The following IFT140 variants were observed in gnomAD, a reference collection of about 807,000 sequenced individuals.
IFT140 encodes intraflagellar transport 140.
In IFT140, 133 loss-of-function variants were observed where a neutral mutation model predicts 164.6. The observed-to-expected ratio is 0.81, with a 90% CI of 0.70 to 0.93. The LOEUF is 0.93. Among genes scored for constraint, IFT140 ranks in the 40% least tolerant of loss-of-function variants. The probability of loss-of-function intolerance (pLI) is 0.00; values close to 1 mark genes in which losing one functional copy is unlikely to be tolerated. For synonymous variants in IFT140, 860 were observed against 817.3 expected, an observed-to-expected ratio of 1.05 and a Z score of -0.89; for missense variants, 2,045 against 1,972.3, an observed-to-expected ratio of 1.04 and a Z score of -0.70.
intron 19 of IFT140, chr16:1,541,990 T>A: frequency 6.2e-7 from 1 of 1,611,280 alleles, no homozygotes; most frequent in South Asian, 1.1e-5. Context: ...CAGCTCACCT[T>A]CCTCCTGGGG....
chr16:1,575,530 A>G, intron 13 of IFT140, among the ~76,000 whole-genome samples: 1 of 152,196 alleles, frequency 6.6e-6, no homozygotes, highest in South Asian at 2.1e-4. Flanking sequence ...CAGCCTGGGC[A>G]ACAAAGTGAG....
intron 19 of IFT140, among the ~76,000 whole-genome samples, chr16:1,535,759 C>G (rs1324301744): frequency 6.6e-6 from 1 of 152,254 alleles, no homozygotes; most frequent in Non-Finnish European, 1.5e-5. Context: ...AGGCCCTCGG[C>G]TGCACCGCAC....
intron 14 of IFT140, among the ~76,000 whole-genome samples, chr16:1,570,824 C>G (rs2141625742): frequency 6.6e-6 from 1 of 152,304 alleles, no homozygotes; most frequent in East Asian, 1.9e-4. Flanking sequence ...GGCACAACCA[C>G]AGCTCACCGC....
At chr16:1,530,202 G>A (rs1354875852) in intron 19 of IFT140, among the ~76,000 whole-genome samples, 1 of 139,922 alleles carries the variant, frequency 7.1e-6, no homozygotes, top group Non-Finnish European at 1.5e-5. Context: ...GTGGTGGCAC[G>A]ATCTTGGCTC....
intron 4 of IFT140, among the ~76,000 whole-genome samples, chr16:1,596,420 A>G (rs1298339819): frequency 6.6e-6 from 1 of 152,196 alleles, no homozygotes; most frequent in African/African-American, 2.4e-5. Flanking sequence ...CTTAACCAGC[A>G]TTCTCAACAT....
chr16:1,604,764 C>T (rs903909064), intron 3 of IFT140, among the ~76,000 whole-genome samples: 6 of 151,726 alleles, frequency 4.0e-5, no homozygotes, highest in Admixed American at 2.6e-4. Flanking sequence ...GCAGCAGACT[C>T]GCCAGAGGTT....
At chr16:1,591,734 G>A (rs936549295) in intron 6 of IFT140, among the ~76,000 whole-genome samples, 14 of 152,284 alleles carry the variant, frequency 9.2e-5, no homozygotes, top group African/African-American at 2.9e-4. Flanking sequence ...AAGGCTGGCC[G>A]GGGGCCTCAG....
intron 3 of IFT140, among the ~76,000 whole-genome samples, chr16:1,606,200 G>T (rs1347241256): frequency 1.3e-5 from 2 of 152,232 alleles, no homozygotes; most frequent in Admixed American, 1.3e-4. Flanking sequence ...TTGTGGAAAT[G>T]ATTAGAGTTC....
rs763899729 is a variant in IFT140, at chr16:1,510,927, C to T, written c.*17G>A. The T allele has an allele frequency of 1.6e-5, 26 of 1,604,880 alleles. No homozygotes were observed. In the African/African-American group the frequency reaches 3.1e-4, roughly 19 times the overall value. ...TGCCTTTCTGCAGCAGCACGCTGGTCCTGGGGCCCAGGCCCCTCAGGGGTC... is the reference window on the plus strand; with the variant it reads ...TGCCTTTCTGCAGCAGCACGCTGGTTCTGGGGCCCAGGCCCCTCAGGGGTC... On this transcript the variant is annotated 3_prime_UTR_variant, in exon 31 of 31. Coordinates refer to ENST00000426508, the MANE Select transcript of IFT140 (RefSeq NM_014714.4).
chr16:1,571,607 A>C (rs1056595714), intron 13 of IFT140, 73 bp from the exon 14 acceptor site: 1 of 1,446,984 alleles, frequency 6.9e-7, no homozygotes, highest in Admixed American at 1.9e-5. Context: ...AACCTTGTAC[A>C]CACAAGAAAT....
chr16:1,531,996 A>C lies in IFT140; in HGVS notation c.2400-5200T>G, dbSNP rs760432764. 3 of 152,228 alleles carry C rather than the reference A, an allele frequency of 2.0e-5. No individual in the cohort carries two copies. The highest frequency in any genetic ancestry group is 4.8e-5 in the African/African-American group (2 of 41,464). 9.4% of individuals were successfully genotyped at this position (152,228 alleles called of 1,614,324 possible). ...GGTTTAGTTAATTAAGGAGGAAATA[A>C]ATTCTTCCCCCATGGAAACTTTTGG... On this transcript the variant is annotated intron_variant, in intron 19 of 30. Coordinates refer to ENST00000426508, the MANE Select transcript of IFT140 (RefSeq NM_014714.4). The surrounding 1 kb of genome is among the most constrained non-coding windows in gnomAD (Gnocchi z 4.7).
At chr16:1,585,759 C>CCACTTTCT (rs2034835366) in intron 10 of IFT140, among the ~76,000 whole-genome samples, 3 of 151,052 alleles carry the variant, frequency 2.0e-5, no homozygotes, top group Non-Finnish European at 4.4e-5. Context: ...TTTATGGCCT[C>CCACTTTCT]CACTTTCTTT....
intron 26 of IFT140, among the ~76,000 whole-genome samples, chr16:1,522,999 T>C (rs762027429): frequency 1.2e-4 from 18 of 151,976 alleles, no homozygotes; most frequent in African/African-American, 3.4e-4. Context: ...GGCAGGAGGA[T>C]TGCTTGAGCC....
At chr16:1,597,593 G>C (rs2035529880) in intron 4 of IFT140, among the ~76,000 whole-genome samples, 1 of 152,212 alleles carries the variant, frequency 6.6e-6, no homozygotes, top group Non-Finnish European at 1.5e-5. Flanking sequence ...CTGCAGTGTA[G>C]AGTTCCGAGT....
At position 1,524,566 on chromosome 16, in the gene IFT140, T is replaced by C. The variant is rs777303822; in HGVS notation, c.3127A>G (p.Ile1043Val). Residue 1043 changes from isoleucine to valine, a missense_variant, in exon 24 of 31, where the codon ATC becomes GTC. By Grantham distance (29) the Ile-to-Val change is conservative (BLOSUM62 3). Transcript: ENST00000426508. ...YTRAQAFKNA[I>V]RLCKENGLDD... Reference sequence around the variant, plus strand: ...GCCCGTGGTACCTTGCACAGGCGGATGGCATTCTTGAAGGCCTGTGCCCGG... The same window carrying C: ...GCCCGTGGTACCTTGCACAGGCGGACGGCATTCTTGAAGGCCTGTGCCCGG... 9.3e-6 allele frequency: 15 copies of C among 1,611,794 alleles called. No individual in the cohort carries two copies. Among genetic ancestry groups the C allele is most frequent in the Non-Finnish European group, 1.2e-5 (14 of 1,179,074 alleles).
chr16:1,529,987 C>G (rs1596312632), intron 19 of IFT140, among the ~76,000 whole-genome samples: 1 of 152,274 alleles, frequency 6.6e-6, no homozygotes, highest in African/African-American at 2.4e-5. Context: ...CACGGCTCCT[C>G]ACAGACGTCT....
chr16:1,603,702 C>CA (rs2035908591), intron 3 of IFT140, among the ~76,000 whole-genome samples: 1 of 152,182 alleles, frequency 6.6e-6, no homozygotes, highest in South Asian at 2.1e-4. Context: ...AGGCTGGTCT[C>CA]AAACTCCTGA....
chr16:1,537,208 G>A (rs934628808), intron 19 of IFT140, among the ~76,000 whole-genome samples: 2 of 151,416 alleles, frequency 1.3e-5, no homozygotes, highest in South Asian at 2.1e-4. Context: ...ACGTCACACC[G>A]CGTGCCTCCT....
At chr16:1,611,116 C>G (rs1240405668) in intron 1 of IFT140, among the ~76,000 whole-genome samples, 1 of 152,192 alleles carries the variant, frequency 6.6e-6, no homozygotes, top group African/African-American at 2.4e-5. Context: ...AAAGTCGATG[C>G]GCTCGGCAGT....
Sources: gnomAD v4.1 joint callset for allele counts (sites outside exome capture counted in the v4.1 genomes callset) on GRCh38, gnomAD v4.1.1 for gene constraint, Gnocchi (gnomAD v3.1) non-coding constraint, MANE v1.5 for transcripts, NCBI Gene and HGNC (gene_info 2026-07-23, HGNC 2026-07-21) for gene names.